REXO5: variants seen among roughly 807,000 people sequenced by gnomAD.
REXO5 encodes exonuclease NEF-sp.
REXO5 carries 48 observed loss-of-function variants against 88.5 expected under a neutral mutation model. The observed-to-expected ratio is 0.54, with a 90% CI of 0.43 to 0.69. The LOEUF is 0.69. Ranked by LOEUF, REXO5 falls within the 30% of genes least tolerant of loss-of-function variation. REXO5 has a pLI of 0.00. For synonymous variants in REXO5, 311 were observed against 336.5 expected, an observed-to-expected ratio of 0.92 and a Z score of 0.83; for missense variants, 749 against 912.2, an observed-to-expected ratio of 0.82 and a Z score of 2.30.
upstream of REXO5, chr16:20,806,434 C>T: frequency 6.4e-7 from 1 of 1,553,496 alleles, no homozygotes; most frequent in Non-Finnish European, 8.7e-7. Flanking sequence ...TCGCCATTCC[C>T]GACACTCCTT....
Position 20,832,223 on chromosome 16 carries a change from A to T in REXO5, c.1226A>T (p.Lys409Ile). ...QEIQAAGQEP[K>I]NTAEVLQHPN... The stretch of plus-strand genomic sequence containing the variant: ...ATACAAGCAGCAGGCCAAGAGCCTA[A>T]AAACACAGCAGAAGTACTTCAGCAC... The change falls in exon 12 of 20, where the codon AAA (lysine) becomes ATA (isoleucine). Residue 409 changes from lysine to isoleucine, a missense_variant. Lys to Ile is a moderately radical substitution (Grantham distance 102, BLOSUM62 -3). Coordinates refer to ENST00000261377, the MANE Select transcript of REXO5 (RefSeq NM_030941.3). 6.2e-7 allele frequency: 1 copy of T among 1,612,782 alleles called. No homozygotes were observed. Among genetic ancestry groups the T allele is most frequent in the Non-Finnish European group, 8.5e-7 (1 of 1,179,384 alleles).
At chr16:20,812,038 T>C (rs561160415) in intron 2 of REXO5, among the ~76,000 whole-genome samples, 1 of 152,372 alleles carries the variant, frequency 6.6e-6, no homozygotes, top group South Asian at 2.1e-4. Flanking sequence ...CTTGAGCTTC[T>C]AACCGCTATG....
chr16:20,842,478 G>GTTTTTTT (rs201370873), intron 15 of REXO5, among the ~76,000 whole-genome samples: 5 of 133,064 alleles, frequency 3.8e-5, no homozygotes, highest in Admixed American at 1.6e-4. Context: ...CCTTTGTTTT[G>GTTTTTTT]TTTGTTTTTT....
chr16:20,848,759 C>G (rs972162927), intron 19 of REXO5, among the ~76,000 whole-genome samples: 2 of 152,208 alleles, frequency 1.3e-5, no homozygotes, highest in Non-Finnish European at 2.9e-5. Flanking sequence ...AAGCACCACA[C>G]CAGGTTTTTT....
Position 20,833,105 on chromosome 16 carries a change from G to A in REXO5, c.1365G>A (p.Lys455=), listed in dbSNP as rs1567401800. 5.0e-6 allele frequency: 8 copies of A among 1,613,414 alleles called. No homozygotes were observed. Among genetic ancestry groups the A allele is most frequent in the Admixed American group, 1.7e-5 (1 of 59,986 alleles). Residue 455 remains lysine (K), a synonymous_variant, in exon 13 of 20, where the codon AAG becomes AAA. Transcript: ENST00000261377. ...LPSSRNCQTI[K]CLSNKEVLEQ... ...CTTCCAGAAATTGTCAAACTATTAA[G>A]TGTCTTTCAAATAAAGAGGTGAGTG...
chr16:20,816,650 A>G (rs919384051), intron 5 of REXO5, among the ~76,000 whole-genome samples: 1 of 152,186 alleles, frequency 6.6e-6, no homozygotes, highest in Non-Finnish European at 1.5e-5. Context: ...CCACAAAAAC[A>G]GTTTTTTTAA....
chr16:20,810,549 C>G (rs188624934), intron 2 of REXO5, among the ~76,000 whole-genome samples: 74 of 152,208 alleles, frequency 4.9e-4, no homozygotes, highest in African/African-American at 1.7e-3. Context: ...TACAGGCACC[C>G]ACCACCACGC....
Position 20,827,140 on chromosome 16 carries a change from C to T in REXO5, c.904C>T (p.Pro302Ser), listed in dbSNP as rs369299198. Residue 302 changes from proline to serine, a missense_variant, in exon 9 of 20, where the codon CCT becomes TCT. By Grantham distance (74) the Pro-to-Ser change is moderately conservative (BLOSUM62 -1). Transcript: ENST00000261377. ...ACAGAGGCAGTTAAAAGCACTGCTTCCTCCTGATGCTGTGTTAGTGGGCCA... is the reference window on the plus strand; with the variant it reads ...ACAGAGGCAGTTAAAAGCACTGCTTTCTCCTGATGCTGTGTTAGTGGGCCA... Reference protein sequence around the residue: ...DVQRQLKALLPPDAVLVGHSL... With the variant: ...DVQRQLKALLSPDAVLVGHSL... The T allele has an allele frequency of 2.9e-5, 46 of 1,613,942 alleles. No homozygotes were observed. Among genetic ancestry groups the T allele is most frequent in the Non-Finnish European group, 3.7e-5 (44 of 1,179,994 alleles).
chr16:20,819,663 G>A lies in REXO5; in HGVS notation c.476-2099G>A, dbSNP rs1205108484. ...CCAGCTACTCAGGAGGCTGAGGCAG[G>A]AGAATCATCTGAACCTGGGAGGCAG... On this transcript the variant is annotated intron_variant, in intron 5 of 19. Coordinates refer to ENST00000261377, the MANE Select transcript of REXO5 (RefSeq NM_030941.3). 2.6e-5 allele frequency among the ~76,000 whole-genome samples: 4 copies of A among 151,138 alleles called. No individual in the cohort carries two copies. In the East Asian group the frequency reaches 7.8e-4, roughly 29 times the overall value.
chr16:20,815,441 AT>A (rs1303764715), intron 4 of REXO5, among the ~76,000 whole-genome samples: 1 of 152,068 alleles, frequency 6.6e-6, no homozygotes, highest in Non-Finnish European at 1.5e-5. Flanking sequence ...CCTGCTGTCC[AT>A]TTTCCCGTAG....
chr16:20,828,519 T>C lies in REXO5; in HGVS notation c.1140T>C (p.Leu380=), dbSNP rs1441795657. The change falls in exon 11 of 20, where the codon CTT becomes CTC. Residue 380 remains leucine, a synonymous_variant. Coordinates refer to ENST00000261377, the MANE Select transcript of REXO5 (RefSeq NM_030941.3). ...RTILELARYF[L]KHGPKKIAEL... Reference sequence around the variant, plus strand: ...TCCTTGAATTGGCTCGGTATTTCCTTAAGCATGGCCCAAAAAAGGTTAGTA... The same window carrying C: ...TCCTTGAATTGGCTCGGTATTTCCTCAAGCATGGCCCAAAAAAGGTTAGTA... 5 of 1,613,324 alleles carry C rather than the reference T, an allele frequency of 3.1e-6. No individual in the cohort carries two copies. Among genetic ancestry groups the C allele is most frequent in the Non-Finnish European group, 3.4e-6 (4 of 1,179,412 alleles).
Position 20,849,635 on chromosome 16 carries a change from G to A in REXO5, c.*155G>A. The A allele has an allele frequency of 1.6e-6, 1 of 634,082 alleles. No homozygotes were observed. Among genetic ancestry groups the A allele is most frequent in the East Asian group, 2.7e-5 (1 of 36,698 alleles). The allele number at this position is 634,082 out of a possible 1,614,324, so 39.3% of individuals were successfully genotyped here. Reference sequence around the variant, plus strand: ...TAGTTTGTTTATATGGCATGTATAAGTTTTCAATAAATGCCTAAAGTTCAA... The same window carrying A: ...TAGTTTGTTTATATGGCATGTATAAATTTTCAATAAATGCCTAAAGTTCAA... On this transcript the variant is annotated 3_prime_UTR_variant, in exon 20 of 20. Transcript: ENST00000261377.
Position 20,832,193 on chromosome 16 carries a change from A to G in REXO5, c.1196A>G (p.Gln399Arg), listed in dbSNP as rs570421481. 6.2e-7 allele frequency: 1 copy of G among 1,611,734 alleles called. No homozygotes were observed. Among genetic ancestry groups the G allele is most frequent in the African/African-American group, 1.3e-5 (1 of 74,898 alleles). Residue 399 changes from glutamine to arginine, a missense_variant, in exon 12 of 20, where the codon CAA becomes CGA. Transcript: ENST00000261377. The part of the protein sequence containing the change: ...ELNLEALANH[Q>R]EIQAAGQEPK... ...AATCTAGAAGCACTAGCTAATCACC[A>G]AGAAATACAAGCAGCAGGCCAAGAG...
At chr16:20,821,665 G>T (rs1025217605) in intron 5 of REXO5, 97 bp from the exon 6 acceptor site, 1 of 1,137,596 alleles carries the variant, frequency 8.8e-7, no homozygotes, top group Non-Finnish European at 1.2e-6. Context: ...TACATCTTTT[G>T]ATCTTCCTTG....
chr16:20,819,447 C>CG (rs2081133693), intron 5 of REXO5, among the ~76,000 whole-genome samples: 1 of 123,456 alleles, frequency 8.1e-6, no homozygotes, highest in African/African-American at 3.0e-5. Context: ...TTCTTTCCTC[C>CG]TTTTTTTTTT....
intron 15 of REXO5, among the ~76,000 whole-genome samples, chr16:20,841,519 A>T (rs1348540678): frequency 6.6e-6 from 1 of 152,202 alleles, no homozygotes; most frequent in Non-Finnish European, 1.5e-5. Context: ...GGTGTATTAC[A>T]ATGTATGAAA....
intron 5 of REXO5, among the ~76,000 whole-genome samples, chr16:20,817,723 A>G (rs2081102615): frequency 6.6e-6 from 1 of 152,178 alleles, no homozygotes; most frequent in African/African-American, 2.4e-5. Flanking sequence ...TCCCCAAGGC[A>G]TAGTCCCTCG....
intron 5 of REXO5, among the ~76,000 whole-genome samples, chr16:20,819,872 C>T (rs1480666912): frequency 6.6e-6 from 1 of 152,196 alleles, no homozygotes; most frequent in African/African-American, 2.4e-5. Context: ...ATCCTCCTGC[C>T]TCAGCCTCCT....
chr16:20,813,895 CA>C (rs1016487276), intron 3 of REXO5, among the ~76,000 whole-genome samples: 147 of 144,492 alleles, frequency 1.0e-3, no homozygotes, highest in African/African-American at 3.0e-3. Flanking sequence ...TCAGGCCCTA[CA>C]AAAAAAAAAG....
Sources: allele counts gnomAD v4.1 joint callset (sites outside exome capture counted in the v4.1 genomes callset), GRCh38; gene constraint gnomAD v4.1.1; transcripts MANE v1.5; gene names NCBI Gene and HGNC (gene_info 2026-07-23, HGNC 2026-07-21).